Variants in CPEB1 observed in about 807,000 individuals in gnomAD.
The protein encoded by CPEB1 is cytoplasmic polyadenylation element binding protein 1.
Under a neutral mutation model 65.8 loss-of-function variants are expected in CPEB1, and 7 were observed. That is an observed-to-expected ratio of 0.11 (90% CI 0.06 to 0.20). The LOEUF is 0.20. Ranked by LOEUF, CPEB1 falls within the 10% of genes least tolerant of loss-of-function variation. CPEB1 has a pLI of 1.00. For synonymous variants in CPEB1, 262 were observed against 260.0 expected (o/e 1.01, Z -0.08); for missense variants, 551 against 712.2 (o/e 0.77, Z 2.58).
chr15:82,564,550 C>T (rs1030779380), intron 4 of CPEB1, among the ~76,000 whole-genome samples: 2 of 152,284 alleles, frequency 1.3e-5, no homozygotes, highest in East Asian at 3.9e-4. Context: ...GCCTCAGCCT[C>T]CCAAAGGGCT....
intron 3 of CPEB1, among the ~76,000 whole-genome samples, chr15:82,586,641 C>A (rs1452505118): frequency 1.3e-5 from 2 of 152,158 alleles, no homozygotes; most frequent in Non-Finnish European, 2.9e-5. Context: ...AATGAGTAGA[C>A]CACCTACAGT....
chr15:82,603,809 G>C (rs915504082), intron 3 of CPEB1, among the ~76,000 whole-genome samples: 8 of 152,332 alleles, frequency 5.3e-5, no homozygotes, highest in African/African-American at 1.9e-4. Flanking sequence ...AACTAGCTGA[G>C]AAGAGCCACT....
chr15:82,592,803 G>T (rs895350813), intron 3 of CPEB1, among the ~76,000 whole-genome samples: 3 of 151,728 alleles, frequency 2.0e-5, no homozygotes. Context: ...GAGACCATCC[G>T]GGCTAACATG....
At chr15:82,607,729 T>C (rs2043757469) in intron 3 of CPEB1, among the ~76,000 whole-genome samples, 1 of 152,142 alleles carries the variant, frequency 6.6e-6, no homozygotes, top group Admixed American at 6.6e-5. Flanking sequence ...AAATTGTTAC[T>C]AGAGATAAAG....
chr15:82,557,089 C>T (rs761820197), intron 5 of CPEB1, among the ~76,000 whole-genome samples: 4 of 152,200 alleles, frequency 2.6e-5, no homozygotes, highest in Non-Finnish European at 5.9e-5. Flanking sequence ...CTACTATCCC[C>T]TATCTATATT....
Position 82,605,797 on chromosome 15 carries a change from G to T in CPEB1, c.271+21396C>A, listed in dbSNP as rs573070235. Among the ~76,000 whole-genome samples the T allele has an allele frequency of 3.0e-3, 456 of 152,256 alleles. 2 individuals are homozygous for T. The highest frequency in any genetic ancestry group is 5.6e-3 in the Admixed American group (85 of 15,290). On this transcript the variant is annotated intron_variant, in intron 3 of 12. Transcript: ENST00000684509. ...CTCATGCCTGTAATCCTAGCACTTT[G>T]GGAGGCTGAGGTGGGCGGATCACCT...
intron 4 of CPEB1, among the ~76,000 whole-genome samples, chr15:82,564,398 G>T (rs2038776624): frequency 6.6e-6 from 1 of 152,058 alleles, no homozygotes; most frequent in African/African-American, 2.4e-5. Context: ...CCATTCTCCT[G>T]CCTCAGCCTC....
chr15:82,634,864 A>G (rs538250187), intron 1 of CPEB1, among the ~76,000 whole-genome samples: 1 of 152,046 alleles, frequency 6.6e-6, no homozygotes, highest in Admixed American at 6.6e-5. Context: ...TTATTTTTCT[A>G]TTTTTATTTT....
At chr15:82,588,884 G>C (rs930367539) in intron 3 of CPEB1, among the ~76,000 whole-genome samples, 3 of 152,128 alleles carry the variant, frequency 2.0e-5, no homozygotes, top group Non-Finnish European at 4.4e-5. Flanking sequence ...TGAAGGACAA[G>C]GAGTCTACCA....
chr15:82,600,858 C>CTCA (rs1343035975), intron 3 of CPEB1, among the ~76,000 whole-genome samples: 1 of 148,738 alleles, frequency 6.7e-6, no homozygotes, highest in Non-Finnish European at 1.5e-5. Context: ...TTCATCCTCT[C>CTCA]TCATCATAAA....
chr15:82,640,479 A>T (rs1011248600), intron 1 of CPEB1, among the ~76,000 whole-genome samples: 1 of 152,108 alleles, frequency 6.6e-6, no homozygotes, highest in Non-Finnish European at 1.5e-5. Context: ...GCCCTGTTTC[A>T]TATCTCCTTG....
At chr15:82,587,529 G>A (rs1360607773) in intron 3 of CPEB1, among the ~76,000 whole-genome samples, 8 of 152,268 alleles carry the variant, frequency 5.3e-5, no homozygotes, top group South Asian at 4.1e-4. Flanking sequence ...TATACAAGAC[G>A]ACAGCTGCAT....
chr15:82,588,643 A>G (rs754033472), intron 3 of CPEB1, among the ~76,000 whole-genome samples: 1 of 152,196 alleles, frequency 6.6e-6, no homozygotes, highest in Non-Finnish European at 1.5e-5. Context: ...ACATCCCTCA[A>G]CATTGATCTT....
At position 82,557,414 on chromosome 15, in the gene CPEB1, G is replaced by A. The variant is rs1331743403; in HGVS notation, c.687+346C>T. ...AAGTACATAAATGACACTGTTTAAG[G>A]GCTAAAGAAAGCACCCCGTGTAGGT... On this transcript the variant is annotated intron_variant, in intron 5 of 12. Coordinates refer to ENST00000684509, the MANE Select transcript of CPEB1 (RefSeq NM_001365242.1). The A allele has an allele frequency of 1.6e-5, 4 of 255,842 alleles. No individual in the cohort carries two copies. The East Asian group carries it at 3.0e-4, about 19-fold the overall frequency. 15.8% of individuals were successfully genotyped at this position (255,842 alleles called of 1,614,324 possible). A position where few individuals can be genotyped will look rare whatever the true frequency, so the allele number is the denominator to read the frequency against.
intron 3 of CPEB1, among the ~76,000 whole-genome samples, chr15:82,624,812 G>A (rs894061177): frequency 2.7e-5 from 4 of 149,260 alleles, no homozygotes; most frequent in Admixed American, 6.7e-5. Flanking sequence ...TTAAGTCATT[G>A]TTGAATTGTT....
chr15:82,554,466 A>T (rs1225413006), intron 6 of CPEB1, among the ~76,000 whole-genome samples: 1 of 152,254 alleles, frequency 6.6e-6, no homozygotes, highest in Non-Finnish European at 1.5e-5. Context: ...TGAACTCATG[A>T]ATCACAGAAG....
intron 3 of CPEB1, among the ~76,000 whole-genome samples, chr15:82,592,954 G>A (rs945206848): frequency 6.6e-6 from 1 of 152,060 alleles, no homozygotes; most frequent in Non-Finnish European, 1.5e-5. Context: ...CCAAGATTGC[G>A]CTGCTACACT....
intron 3 of CPEB1, among the ~76,000 whole-genome samples, chr15:82,590,924 C>A (rs2042202410): frequency 6.6e-6 from 1 of 152,138 alleles, no homozygotes; most frequent in Non-Finnish European, 1.5e-5. Context: ...CATTGACAGG[C>A]ATTTAGGTTG....
intron 3 of CPEB1, among the ~76,000 whole-genome samples, chr15:82,575,359 C>T (rs1444797460): frequency 2.0e-5 from 3 of 152,096 alleles, no homozygotes; most frequent in Non-Finnish European, 2.9e-5. Context: ...AACTACAAAG[C>T]CTCTCTAAGA....
Sources: gnomAD v4.1 joint callset for allele counts (sites outside exome capture counted in the v4.1 genomes callset) on GRCh38, gnomAD v4.1.1 for gene constraint, MANE v1.5 for transcripts, NCBI Gene and HGNC (gene_info 2026-07-23, HGNC 2026-07-21) for gene names.